Variants in RGS7 observed in about 807,000 individuals in gnomAD.
RGS7 encodes the protein regulator of G protein signaling 7.
A neutral mutation model predicts 81.1 loss-of-function variants in RGS7; 27 were observed. The observed-to-expected ratio is 0.33, with a 90% CI of 0.25 to 0.46. The LOEUF is 0.46. Ranked by LOEUF, RGS7 falls within the 20% of genes least tolerant of loss-of-function variation. The pLI, the probability that RGS7 is intolerant of heterozygous loss-of-function variation, is 1.00. For synonymous variants in RGS7, 208 were observed against 207.7 expected (o/e 1.00, Z -0.01); for missense variants, 396 against 607.4 (o/e 0.65, Z 3.66).
At chr1:241,156,530 A>G (rs1480799550) in intron 2 of RGS7, among the ~76,000 whole-genome samples, 1 of 144,988 alleles carries the variant, frequency 6.9e-6, no homozygotes, top group African/African-American at 2.5e-5. Flanking sequence ...AAAGAAAGAT[A>G]GATGCTAGAT....
intron 2 of RGS7, among the ~76,000 whole-genome samples, chr1:241,239,209 T>C (rs905588370): frequency 5.3e-5 from 8 of 151,860 alleles, no homozygotes; most frequent in African/African-American, 7.3e-5. Flanking sequence ...CCTCGTGACC[T>C]GCCTCCCACG....
intron 3 of RGS7, among the ~76,000 whole-genome samples, chr1:241,005,992 A>C (rs1488059991): frequency 6.6e-6 from 1 of 152,242 alleles, no homozygotes; most frequent in Non-Finnish European, 1.5e-5. Context: ...TCTTATAAAA[A>C]ATGCTATGAA....
chr1:240,789,598 G>A (rs1266826927), intron 18 of RGS7, among the ~76,000 whole-genome samples: 4 of 152,228 alleles, frequency 2.6e-5, no homozygotes, highest in Non-Finnish European at 2.9e-5. Context: ...ATCTTTTACG[G>A]TCGTAGCTGT....
At chr1:240,929,862 T>C (rs1275560206) in intron 6 of RGS7, among the ~76,000 whole-genome samples, 1 of 152,232 alleles carries the variant, frequency 6.6e-6, no homozygotes, top group Non-Finnish European at 1.5e-5. Flanking sequence ...TAATTTTGCA[T>C]ATATCACTCT....
intron 4 of RGS7, among the ~76,000 whole-genome samples, chr1:240,977,586 G>C (rs1173020848): frequency 1.3e-5 from 2 of 152,168 alleles, no homozygotes; most frequent in Admixed American, 6.5e-5. Flanking sequence ...CTATAAATTA[G>C]GGCAGCACGT....
At chr1:241,233,538 C>T (rs185206626) in intron 2 of RGS7, among the ~76,000 whole-genome samples, 24 of 152,306 alleles carry the variant, frequency 1.6e-4, no homozygotes, top group Non-Finnish European at 2.8e-4. Context: ...ACCTCTAGTT[C>T]TATCCAAGTT....
chr1:241,030,589 T>A (rs1572358732), intron 3 of RGS7, among the ~76,000 whole-genome samples: 1 of 151,516 alleles, frequency 6.6e-6, no homozygotes, highest in Admixed American at 6.6e-5. Context: ...TGCCTTGACC[T>A]ATCTCTCTTT....
chr1:240,975,436 G>T (rs1267579593), intron 4 of RGS7, among the ~76,000 whole-genome samples: 2 of 151,278 alleles, frequency 1.3e-5, no homozygotes, highest in African/African-American at 4.8e-5. Context: ...AAAAAACACA[G>T]AAATGCATAA....
chr1:240,880,330 C>T lies in RGS7; in HGVS notation c.386-10211G>A, dbSNP rs537373103. 3.9e-4 allele frequency among the ~76,000 whole-genome samples: 60 copies of T among 152,364 alleles called. 1 individual carries two copies. The highest frequency in any genetic ancestry group is 6.2e-4 in the South Asian group (3 of 4,830). On this transcript the variant is annotated intron_variant, in intron 6 of 18. Coordinates refer to ENST00000440928, the MANE Select transcript of RGS7 (RefSeq NM_001364886.1). ...GTGCTGGGATTCAGGCGTGGGCCAT[C>T]GCTCCTGGCCCTGTGTTAAGTTACT...
intron 2 of RGS7, among the ~76,000 whole-genome samples, chr1:241,157,244 T>C (rs1360019509): frequency 1.3e-5 from 2 of 152,176 alleles, no homozygotes; most frequent in African/African-American, 2.4e-5. Context: ...TCCACTCTGC[T>C]CCTGCTGAAT....
At chr1:241,154,681 C>T (rs1452307050) in intron 2 of RGS7, among the ~76,000 whole-genome samples, 2 of 152,200 alleles carry the variant, frequency 1.3e-5, no homozygotes. Context: ...GCAGTTATTA[C>T]AGGTGCTAAA....
Position 241,144,379 on chromosome 1 carries a change from ACTACTAGT to A in RGS7, c.79-45625_79-45618del, listed in dbSNP as rs2068145554. Reference sequence around the variant, plus strand: ...AAATACACTGCAGGTAAGACCCACTACTACTAGTCTCACAGTTTCACAGTGATGTTGGG... The same window carrying A: ...AAATACACTGCAGGTAAGACCCACTACTCACAGTTTCACAGTGATGTTGGG... On this transcript the variant is annotated intron_variant, in intron 2 of 18. Transcript: ENST00000440928. This position sits in a 1 kb window ranked among gnomAD's most constrained non-coding sequence, Gnocchi z 4.7. Among the ~76,000 whole-genome samples the A allele has an allele frequency of 6.6e-6, 1 of 152,138 alleles. No individual in the cohort carries two copies. The highest frequency in any genetic ancestry group is 1.5e-5 in the Non-Finnish European group (1 of 68,028).
intron 2 of RGS7, among the ~76,000 whole-genome samples, chr1:241,192,931 A>T (rs1437004945): frequency 6.6e-6 from 1 of 152,192 alleles, no homozygotes; most frequent in East Asian, 1.9e-4. Context: ...CTTTTTAAGT[A>T]CTCTTATGCT....
Position 240,967,695 on chromosome 1 carries a change from C to T in RGS7, c.226+15384G>A, listed in dbSNP as rs111355257. Among the ~76,000 whole-genome samples, 951 of 152,168 alleles carry T rather than the reference C, an allele frequency of 6.2e-3. 13 individuals are homozygous for T. The highest frequency in any genetic ancestry group is 0.022 in the African/African-American group (898 of 41,514). ...CCACATATGGGGAGTAGGAAAGACA[C>T]TGAGTGGGGCTCGTTCCAATGATAA... On this transcript the variant is annotated intron_variant, in intron 4 of 18. Coordinates refer to ENST00000440928, the MANE Select transcript of RGS7 (RefSeq NM_001364886.1).
intron 2 of RGS7, among the ~76,000 whole-genome samples, chr1:241,321,346 C>CAAG (rs1277854236): frequency 2.0e-5 from 3 of 152,172 alleles, no homozygotes; most frequent in Non-Finnish European, 4.4e-5. Flanking sequence ...CCAAAAAGCA[C>CAAG]AAGCAGTTTT....
intron 9 of RGS7, among the ~76,000 whole-genome samples, chr1:240,848,449 C>T (rs1325197577): frequency 6.6e-6 from 1 of 151,888 alleles, no homozygotes; most frequent in East Asian, 1.9e-4. Context: ...CTTCAGGACA[C>T]ACAATAATTT....
At chr1:240,825,238 C>G (rs1692597311) in intron 10 of RGS7, among the ~76,000 whole-genome samples, 1 of 152,168 alleles carries the variant, frequency 6.6e-6, no homozygotes, top group African/African-American at 2.4e-5. Flanking sequence ...ACATGTCTGG[C>G]ATAGAGTACA....
At chr1:241,263,588 T>G (rs2077446712) in intron 2 of RGS7, among the ~76,000 whole-genome samples, 2 of 152,310 alleles carry the variant, frequency 1.3e-5, no homozygotes, top group East Asian at 3.9e-4. Flanking sequence ...GCCTGGCATA[T>G]GCAAAGTACT....
At chr1:240,791,822 C>T (rs1457876298) in intron 18 of RGS7, among the ~76,000 whole-genome samples, 1 of 152,092 alleles carries the variant, frequency 6.6e-6, no homozygotes, top group African/African-American at 2.4e-5. Flanking sequence ...CATCTTTTTC[C>T]TAGATACTTA....
Sources: gnomAD v4.1 joint callset for allele counts (sites outside exome capture counted in the v4.1 genomes callset) on GRCh38, gnomAD v4.1.1 for gene constraint, Gnocchi (gnomAD v3.1) non-coding constraint, MANE v1.5 for transcripts, NCBI Gene and HGNC (gene_info 2026-07-23, HGNC 2026-07-21) for gene names.